EMCN: variants seen among roughly 807,000 people sequenced by gnomAD.
EMCN encodes the protein endomucin.
A neutral mutation model predicts 38.4 loss-of-function variants in EMCN; 37 were observed. That is an observed-to-expected ratio of 0.96 (90% CI 0.74 to 1.27). The LOEUF is 1.27. EMCN is among the 50% of genes most tolerant of loss of function. The pLI, the probability that EMCN is intolerant of heterozygous loss-of-function variation, is 0.00. For missense variants in EMCN, 318 were observed against 302.8 expected, an observed-to-expected ratio of 1.05 and a Z score of -0.37; for synonymous variants, 95 against 100.8, an observed-to-expected ratio of 0.94 and a Z score of 0.35.
intron 1 of EMCN, chr4:100,483,600 A>G (rs1210845348): frequency 6.6e-6 from 1 of 152,172 alleles, no homozygotes; most frequent in Non-Finnish European, 1.5e-5. Flanking sequence ...CTTCAAAGGA[A>G]ATTTCCCACT....
intron 2 of EMCN, among the ~76,000 whole-genome samples, chr4:100,478,349 G>A (rs1002372409): frequency 2.6e-5 from 4 of 152,062 alleles, no homozygotes; most frequent in Non-Finnish European, 5.9e-5. Flanking sequence ...TTTATGTTTC[G>A]AGATTTTAAC....
intron 10 of EMCN, among the ~76,000 whole-genome samples, chr4:100,413,843 A>C (rs75562322): frequency 0.01 from 1,554 of 152,242 alleles, 20 homozygotes; most frequent in East Asian, 0.063. Context: ...TAGACCTGTG[A>C]CCTGACAAGT....
In EMCN at chr4:100,485,062, T is replaced by C. The variant is rs186146449; in HGVS notation, c.65-5023A>G. Among the ~76,000 whole-genome samples the C allele has an allele frequency of 7.9e-5, 12 of 152,272 alleles. No individual in the cohort carries two copies. In the East Asian group the frequency reaches 2.3e-3, roughly 29 times the overall value. ...TAAACTCTTAAAGAAAATGATTTCTTCAAAAATATATAATTACGGTACATG... is the reference window on the plus strand; with the variant it reads ...TAAACTCTTAAAGAAAATGATTTCTCCAAAAATATATAATTACGGTACATG... On this transcript the variant is annotated intron_variant, in intron 1 of 11. Transcript: ENST00000296420.
chr4:100,423,284 T>C, intron 6 of EMCN, 28 bp downstream of exon 6: 2 of 1,556,558 alleles, frequency 1.3e-6, no homozygotes, highest in Non-Finnish European at 8.9e-7. Flanking sequence ...GTAGAGCAGA[T>C]TTCCACTCAG....
At chr4:100,452,487 G>A (rs540735577) in intron 4 of EMCN, among the ~76,000 whole-genome samples, 2 of 151,910 alleles carry the variant, frequency 1.3e-5, no homozygotes, top group East Asian at 1.9e-4. Flanking sequence ...TTGGAGTTCC[G>A]CACATCCCAA....
intron 5 of EMCN, among the ~76,000 whole-genome samples, chr4:100,425,074 G>C (rs1039765107): frequency 2.7e-5 from 4 of 150,880 alleles, no homozygotes; most frequent in Admixed American, 2.0e-4. Flanking sequence ...GTGGCTGCTT[G>C]AACAAATACT....
intron 8 of EMCN, among the ~76,000 whole-genome samples, chr4:100,419,627 T>A (rs1982087): frequency 0.86 from 130,228 of 152,076 alleles, 56,235 homozygotes; most frequent in South Asian, 0.96. Flanking sequence ...CATATCCTGC[T>A]TACTCAACAC....
At position 100,415,361 on chromosome 4, in the gene EMCN, TA is replaced by T. The variant is rs530398844; in HGVS notation, c.751+536del. 3.1e-3 allele frequency among the ~76,000 whole-genome samples: 468 copies of T among 152,326 alleles called. 2 individuals are homozygous for T. The highest frequency in any genetic ancestry group is 0.01 in the Middle Eastern group (3 of 294). ...TTGTTCTTGACACAAATCATACCTA[TA>T]TTTTGAAAGACTTTTACAATTCCAA... On this transcript the variant is annotated intron_variant, in intron 10 of 11. Transcript: ENST00000296420.
chr4:100,449,493 G>A (rs1455160913), intron 4 of EMCN, among the ~76,000 whole-genome samples: 1 of 151,958 alleles, frequency 6.6e-6, no homozygotes, highest in African/African-American at 2.4e-5. Context: ...TCCTACTTTT[G>A]ATAACTAATT....
At chr4:100,417,553 T>C (rs1726769330) in intron 8 of EMCN, among the ~76,000 whole-genome samples, 1 of 152,240 alleles carries the variant, frequency 6.6e-6, no homozygotes, top group South Asian at 2.1e-4. Flanking sequence ...TTATACATTG[T>C]TCTTTTTTGG....
intron 1 of EMCN, among the ~76,000 whole-genome samples, chr4:100,501,949 C>G (rs898647473): frequency 6.6e-6 from 1 of 151,654 alleles, no homozygotes; most frequent in Non-Finnish European, 1.5e-5. Context: ...GGTTCGTCAT[C>G]TAGTGCTAAG....
chr4:100,443,243 T>G (rs1407229864), intron 5 of EMCN, among the ~76,000 whole-genome samples: 1 of 152,270 alleles, frequency 6.6e-6, no homozygotes, highest in African/African-American at 2.4e-5. Flanking sequence ...TGTGGTACCA[T>G]GCTTCCTTGC....
chr4:100,469,180 C>A (rs1006173845), intron 3 of EMCN, among the ~76,000 whole-genome samples: 2 of 152,024 alleles, frequency 1.3e-5, no homozygotes, highest in African/African-American at 2.4e-5. Context: ...TGTGCTACCA[C>A]ATGCAAAAGA....
chr4:100,516,713 TTAC>T (rs1254669196), intron 1 of EMCN, among the ~76,000 whole-genome samples: 50 of 152,172 alleles, frequency 3.3e-4, no homozygotes. Context: ...ACATAGATAT[TTAC>T]ATAGAAATGA....
rs1729797634 is a variant in EMCN at position 100,517,797 on chromosome 4, C to T, written c.64+54G>A. On this transcript the variant is annotated intron_variant, in intron 1 of 11. Coordinates refer to ENST00000296420, the MANE Select transcript of EMCN (RefSeq NM_016242.4). The stretch of plus-strand genomic sequence containing the variant: ...CCCTGAAAGTAAACTGAGGCTGAGT[C>T]ACCTACTAGTGATTTCCAATCCGTA... The T allele has an allele frequency of 3.2e-6, 5 of 1,540,316 alleles. No homozygotes were observed. In the South Asian group the frequency reaches 3.4e-5, roughly 10 times the overall value.
intron 11 of EMCN, among the ~76,000 whole-genome samples, chr4:100,399,664 G>A (rs1368927017): frequency 6.6e-6 from 1 of 152,058 alleles, no homozygotes; most frequent in Non-Finnish European, 1.5e-5. Context: ...TGCAGACAAG[G>A]CCTCTCCTTC....
chr4:100,414,520 A>C (rs1578396074), intron 10 of EMCN, among the ~76,000 whole-genome samples: 1 of 151,948 alleles, frequency 6.6e-6, no homozygotes, highest in East Asian at 1.9e-4. Context: ...CTCCTGAGAG[A>C]AAGTATAGTA....
intron 4 of EMCN, among the ~76,000 whole-genome samples, chr4:100,453,878 T>C (rs543922873): frequency 1.3e-5 from 2 of 152,184 alleles, no homozygotes; most frequent in East Asian, 1.9e-4. Context: ...TGTAGGGACA[T>C]GGTTGAAGCT....
rs550859425 is a variant in EMCN, at chr4:100,468,170, C to T, written c.260-2631G>A. ...TAACACAAGAGATGCTTGAGGGAGT[C>T]GTATCAGTACCAGATTGTAAATGGA... On this transcript the variant is annotated intron_variant, in intron 3 of 11. Coordinates refer to ENST00000296420, the MANE Select transcript of EMCN (RefSeq NM_016242.4). Among the ~76,000 whole-genome samples, 67 of 152,226 alleles carry T rather than the reference C, an allele frequency of 4.4e-4. 1 individual carries two copies. Among genetic ancestry groups the T allele is most frequent in the East Asian group, 9.7e-4 (5 of 5,176 alleles).
Sources: allele counts gnomAD v4.1 joint callset (sites outside exome capture counted in the v4.1 genomes callset), GRCh38; gene constraint gnomAD v4.1.1; transcripts MANE v1.5; gene names NCBI Gene and HGNC (gene_info 2026-07-23, HGNC 2026-07-21).